MGST1: variants seen among roughly 807,000 people sequenced by gnomAD.
The protein encoded by MGST1 is glutathione S-transferase 12.
Under a neutral mutation model 8.9 loss-of-function variants are expected in MGST1, and 5 were observed. The observed-to-expected ratio is 0.56, with a 90% CI of 0.29 to 1.19. The LOEUF (loss-of-function observed/expected upper bound fraction) is 1.19. MGST1 is among the 50% of genes most tolerant of loss of function. The pLI, the probability that MGST1 is intolerant of heterozygous loss-of-function variation, is 0.08. For missense variants in MGST1, 182 were observed against 187.4 expected, an observed-to-expected ratio of 0.97 and a Z score of 0.17; for synonymous variants, 54 against 67.8, an observed-to-expected ratio of 0.80 and a Z score of 1.00.
intron 4 of MGST1, among the ~76,000 whole-genome samples, chr12:16,539,127 A>G (rs972607196): frequency 2.0e-5 from 3 of 152,210 alleles, no homozygotes; most frequent in African/African-American, 7.2e-5. Context: ...GCGGGGACAC[A>G]GAGCCAAACC....
chr12:16,474,777 C>T (rs1392934198), intron 4 of MGST1, among the ~76,000 whole-genome samples: 1 of 152,130 alleles, frequency 6.6e-6, no homozygotes, highest in Non-Finnish European at 1.5e-5. Context: ...TCAGAGAAGA[C>T]CTGCGTTTGA....
At chr12:16,450,286 C>G (rs1941118421) in intron 4 of MGST1, among the ~76,000 whole-genome samples, 1 of 151,916 alleles carries the variant, frequency 6.6e-6, no homozygotes, top group Non-Finnish European at 1.5e-5. Flanking sequence ...TTCTACATCT[C>G]TCATCACATA....
chr12:16,488,615 A>G (rs1032480604), intron 4 of MGST1, among the ~76,000 whole-genome samples: 2 of 152,142 alleles, frequency 1.3e-5, no homozygotes, highest in African/African-American at 4.8e-5. Flanking sequence ...ATTATATTCT[A>G]TAGCACATTT....
At chr12:16,441,316 C>T (rs1941037063), downstream of MGST1, among the ~76,000 whole-genome samples, 1 of 151,874 alleles carries the variant, frequency 6.6e-6, no homozygotes, top group South Asian at 2.1e-4. Flanking sequence ...TTGTTACAAA[C>T]TATGAATCTA....
downstream of MGST1, among the ~76,000 whole-genome samples, chr12:16,367,649 A>G (rs1274644548): frequency 6.6e-6 from 1 of 152,202 alleles, no homozygotes; most frequent in African/African-American, 2.4e-5. Context: ...TTTAAACCAA[A>G]CAGAGTTAGA....
chr12:16,462,298 A>G (rs1345090189), intron 4 of MGST1, among the ~76,000 whole-genome samples: 3 of 152,182 alleles, frequency 2.0e-5, no homozygotes, highest in African/African-American at 7.2e-5. Flanking sequence ...TGAATATACT[A>G]TTTTTAAACA....
At chr12:16,438,538 C>T (rs1941010273) in exon 2 of MGST1, 1 of 151,820 alleles carries the variant, frequency 6.6e-6, no homozygotes, top group South Asian at 2.1e-4. Context: ...GTTTGTTGGA[C>T]ACAGCTTATA....
At chr12:16,407,099 A>G (rs1486274274) in intron 1 of MGST1, among the ~76,000 whole-genome samples, 2 of 152,244 alleles carry the variant, frequency 1.3e-5, no homozygotes, top group African/African-American at 4.8e-5. Context: ...ACAGTGAAAG[A>G]AACTATCAAC....
At position 16,357,677 on chromosome 12, in the gene MGST1, G is replaced by A; in HGVS notation, c.199G>A (p.Asp67Asn). The A allele has an allele frequency of 6.2e-7, 1 of 1,613,888 alleles. No individual in the cohort carries two copies. The highest frequency in any genetic ancestry group is 8.5e-7 in the Non-Finnish European group (1 of 1,179,872). Reference sequence around the variant, plus strand: ...TGCCAAGAAGTATCTTCGAACAGATGACAGAGTAGAACGTGTACGCAGGTA... The same window carrying A: ...TGCCAAGAAGTATCTTCGAACAGATAACAGAGTAGAACGTGTACGCAGGTA... ...ENAKKYLRTD[D>N]RVERVRRAHL... is the part of the protein sequence containing the mutation. Residue 67 changes from aspartate (D) to asparagine (N), a missense_variant, in exon 3 of 4, where the codon GAC (aspartate) becomes AAC (asparagine). By Grantham distance (23) the Asp-to-Asn change is conservative. Transcript: ENST00000396210.
At chr12:16,375,222 G>A (rs1235114905) in intron 3 of MGST1, among the ~76,000 whole-genome samples, 1 of 151,928 alleles carries the variant, frequency 6.6e-6, no homozygotes, top group Non-Finnish European at 1.5e-5. Context: ...AGAACATAAA[G>A]TTTGGAAAAA....
intron 1 of MGST1, among the ~76,000 whole-genome samples, chr12:16,420,249 T>G (rs1015928523): frequency 6.6e-6 from 1 of 152,120 alleles, no homozygotes; most frequent in African/African-American, 2.4e-5. Flanking sequence ...CCCACTTCCA[T>G]CTGAAGCAAA....
rs533896027 is a variant in MGST1, at chr12:16,481,997, A to G, written n.482+98393A>G. 2.0e-5 allele frequency among the ~76,000 whole-genome samples: 3 copies of G among 152,336 alleles called. No individual in the cohort carries two copies. In the East Asian group the frequency reaches 5.8e-4, roughly 29 times the overall value. On this transcript the variant is annotated intron_variant and non_coding_transcript_variant, in intron 4 of 4. Coordinates refer to the MGST1 transcript ENST00000538857. ...AGAGCTTAAAAAAGACTGGAGAGAA[A>G]AGACATTTTACACAGAAAGGAATAA...
In MGST1 at chr12:16,576,574, G is replaced by GT. The variant is rs1417163878; in HGVS notation, n.483-12953dup. Among the ~76,000 whole-genome samples, 4 of 152,054 alleles carry GT rather than the reference G, an allele frequency of 2.6e-5. No homozygotes were observed. The highest frequency in any genetic ancestry group is 5.9e-5 in the Non-Finnish European group (4 of 68,026). On this transcript the variant is annotated intron_variant and non_coding_transcript_variant, in intron 4 of 4. Transcript: ENST00000538857. The surrounding 1 kb of genome is among the most constrained non-coding windows in gnomAD (Gnocchi z 4.1). ...TATACTACTTCATCTTTCAGAATCTGTATCAGTTACGTACCTGTTTGTCTC... is the reference window on the plus strand; with the variant it reads ...TATACTACTTCATCTTTCAGAATCTGTTATCAGTTACGTACCTGTTTGTCTC...
chr12:16,582,955 GA>G lies in MGST1; in HGVS notation n.483-6569del, dbSNP rs1293385632. Among the ~76,000 whole-genome samples the G allele has an allele frequency of 6.7e-6, 1 of 148,786 alleles. No individual in the cohort carries two copies. The highest frequency in any genetic ancestry group is 1.5e-5 in the Non-Finnish European group (1 of 67,674). On this transcript the variant is annotated intron_variant and non_coding_transcript_variant, in intron 4 of 4. Coordinates refer to the MGST1 transcript ENST00000538857. The surrounding 1 kb of genome is among the most constrained non-coding windows in gnomAD (Gnocchi z 4.1). The stretch of plus-strand genomic sequence containing the variant: ...CCAGCTACTCAGGAGGCTAATGCAG[GA>G]AAATCTCTTGAAGCTGGGAGGCAGA...
intron 4 of MGST1, among the ~76,000 whole-genome samples, chr12:16,505,806 G>A (rs996873681): frequency 6.6e-6 from 1 of 152,126 alleles, no homozygotes; most frequent in Non-Finnish European, 1.5e-5. Context: ...GCTTCAAGCA[G>A]GGTCACAAAC....
intron 4 of MGST1, among the ~76,000 whole-genome samples, chr12:16,444,676 G>A (rs1164755126): frequency 6.6e-6 from 1 of 151,884 alleles, no homozygotes; most frequent in African/African-American, 2.4e-5. Flanking sequence ...AAGCTGAAGG[G>A]GGAGTGCTGG....
intron 4 of MGST1, among the ~76,000 whole-genome samples, chr12:16,509,542 A>G (rs1941562636): frequency 6.6e-6 from 1 of 152,026 alleles, no homozygotes; most frequent in South Asian, 2.1e-4. Flanking sequence ...ATTGTTTGAG[A>G]TAGATGTGTA....
intron 4 of MGST1, among the ~76,000 whole-genome samples, chr12:16,506,373 G>C (rs1941538152): frequency 6.6e-6 from 1 of 152,082 alleles, no homozygotes; most frequent in Non-Finnish European, 1.5e-5. Flanking sequence ...TACTCTGGAA[G>C]GAGGCACTAT....
At chr12:16,428,328 C>A (rs986736537) in intron 1 of MGST1, among the ~76,000 whole-genome samples, 1 of 151,420 alleles carries the variant, frequency 6.6e-6, no homozygotes, top group African/African-American at 2.4e-5. Context: ...GTGTTTTCTA[C>A]TAGTTATTTT....
Sources: allele counts gnomAD v4.1 joint callset (sites outside exome capture counted in the v4.1 genomes callset), GRCh38; gene constraint gnomAD v4.1.1; non-coding constraint Gnocchi (gnomAD v3.1); transcripts MANE v1.5; gene names NCBI Gene and HGNC (gene_info 2026-07-23, HGNC 2026-07-21).